WDPCP: variants seen among roughly 807,000 people sequenced by gnomAD.
WDPCP encodes the protein WD repeat containing planar cell polarity effector, also known as WD repeat-containing and planar cell polarity effector protein fritz homolog.
Under a neutral mutation model 93.1 loss-of-function variants are expected in WDPCP, and 71 were observed. The ratio of observed to expected loss-of-function variants is 0.76; its 90% CI spans 0.63 to 0.93. WDPCP has a LOEUF of 0.93. Among genes scored for constraint, WDPCP ranks in the 40% least tolerant of loss-of-function variants. WDPCP has a pLI of 0.00. For synonymous variants in WDPCP, 315 were observed against 315.0 expected, an observed-to-expected ratio of 1.00 and a Z score of 0.00; for missense variants, 844 against 887.4, an observed-to-expected ratio of 0.95 and a Z score of 0.62.
At chr2:63,210,387 T>C (rs1245320687) in intron 14 of WDPCP, among the ~76,000 whole-genome samples, 3 of 152,128 alleles carry the variant, frequency 2.0e-5, no homozygotes, top group African/African-American at 7.3e-5. Flanking sequence ...GTAATTAATT[T>C]ACACAAATTA....
intron 13 of WDPCP, among the ~76,000 whole-genome samples, chr2:63,282,394 A>G (rs1382527303): frequency 6.6e-6 from 1 of 152,202 alleles, no homozygotes; most frequent in Non-Finnish European, 1.5e-5. Flanking sequence ...AGTCCCAGCT[A>G]CTCAGGAGGC....
intron 17 of WDPCP, among the ~76,000 whole-genome samples, chr2:63,131,899 G>A (rs1188510569): frequency 2.0e-5 from 3 of 147,496 alleles, no homozygotes; most frequent in African/African-American, 5.0e-5. Flanking sequence ...ACAGTGGTGC[G>A]ATCTCAGCTC....
At chr2:63,207,340 C>G (rs1361402564) in intron 14 of WDPCP, among the ~76,000 whole-genome samples, 3 of 152,166 alleles carry the variant, frequency 2.0e-5, no homozygotes, top group Non-Finnish European at 4.4e-5. Flanking sequence ...CACTCTCTTT[C>G]TCCCTCTCCA....
intron 17 of WDPCP, 126 bp from the exon 18 acceptor site, chr2:63,122,182 G>A (rs1344875030): frequency 1.3e-6 from 1 of 759,496 alleles, no homozygotes; most frequent in Non-Finnish European, 2.2e-6. Context: ...AAAATGTACT[G>A]CACATAGATA....
intron 9 of WDPCP, among the ~76,000 whole-genome samples, chr2:63,423,447 T>C (rs10170988): frequency 0.81 from 122,662 of 152,164 alleles, 50,106 homozygotes; most frequent in East Asian, 0.98. Context: ...CCCTGGAAAA[T>C]TAGTTTTTTC....
At chr2:63,646,765 C>CT (rs1446530305) in intron 3 of WDPCP, among the ~76,000 whole-genome samples, 2 of 152,190 alleles carry the variant, frequency 1.3e-5, no homozygotes, top group African/African-American at 4.8e-5. Context: ...ACTGAAAAGT[C>CT]TGCTTCCAGA....
At chr2:63,742,838 A>C (rs181843097) in intron 2 of WDPCP, among the ~76,000 whole-genome samples, 1 of 151,506 alleles carries the variant, frequency 6.6e-6, no homozygotes, top group Non-Finnish European at 1.5e-5. Flanking sequence ...ACAGAGCCCA[A>C]TGTTATCAGT....
At chr2:63,282,677 T>C (rs1360338153) in intron 13 of WDPCP, among the ~76,000 whole-genome samples, 1 of 152,188 alleles carries the variant, frequency 6.6e-6, no homozygotes, top group East Asian at 1.9e-4. Flanking sequence ...CATTTTTACA[T>C]AATTATAAAA....
At chr2:63,624,445 T>C (rs539990943) in intron 3 of WDPCP, among the ~76,000 whole-genome samples, 5 of 151,590 alleles carry the variant, frequency 3.3e-5, no homozygotes, top group East Asian at 1.9e-4. Context: ...CAGACTAATA[T>C]AGAAGAAAAG....
intron 12 of WDPCP, 42 bp from the exon 13 acceptor site, chr2:63,313,353 A>T: frequency 6.4e-7 from 1 of 1,569,546 alleles, no homozygotes; most frequent in South Asian, 1.1e-5. Context: ...GTGAACAAGA[A>T]TATATAAAAG....
chr2:63,638,661 T>C (rs931135467), intron 3 of WDPCP, among the ~76,000 whole-genome samples: 7 of 152,006 alleles, frequency 4.6e-5, no homozygotes, highest in Admixed American at 1.3e-4. Flanking sequence ...TGGTTGTACA[T>C]GCCTGTAGTC....
intron 9 of WDPCP, among the ~76,000 whole-genome samples, chr2:63,410,378 T>C (rs989054782): frequency 6.6e-6 from 1 of 152,142 alleles, no homozygotes; most frequent in African/African-American, 2.4e-5. Flanking sequence ...GCTCTAAATC[T>C]TGAAACAAAT....
At chr2:63,423,998 T>A (rs953393701) in intron 9 of WDPCP, among the ~76,000 whole-genome samples, 1 of 151,774 alleles carries the variant, frequency 6.6e-6, no homozygotes, top group African/African-American at 2.4e-5. Flanking sequence ...AAGCTGAAGA[T>A]GGAAGAAACT....
chr2:63,657,444 GA>G (rs1328876005), intron 2 of WDPCP, among the ~76,000 whole-genome samples: 2 of 152,080 alleles, frequency 1.3e-5, no homozygotes, highest in Non-Finnish European at 2.9e-5. Flanking sequence ...CTGACCTCGT[GA>G]TCTGCCCGCC....
intron 15 of WDPCP, among the ~76,000 whole-genome samples, chr2:63,162,224 A>G (rs1434532383): frequency 6.6e-6 from 1 of 152,040 alleles, no homozygotes; most frequent in Non-Finnish European, 1.5e-5. Context: ...CAGAAAGAGG[A>G]CCATTTTTTT....
chr2:63,776,353 C>T (rs1575770330), intron 2 of WDPCP, among the ~76,000 whole-genome samples: 1 of 151,364 alleles, frequency 6.6e-6, no homozygotes, highest in East Asian at 2.0e-4. Flanking sequence ...TGCCATTTCA[C>T]CAAAGAAGTT....
chr2:63,242,914 T>G (rs1679973321), intron 14 of WDPCP, among the ~76,000 whole-genome samples: 1 of 152,130 alleles, frequency 6.6e-6, no homozygotes, highest in Non-Finnish European at 1.5e-5. Context: ...GATGAAGGCT[T>G]TACCCTAGAG....
intron 1 of WDPCP, among the ~76,000 whole-genome samples, chr2:63,537,653 T>G (rs552812763): frequency 2.0e-5 from 3 of 152,320 alleles, no homozygotes; most frequent in Admixed American, 2.0e-4. Flanking sequence ...CTTCCAACCC[T>G]TCTCCTGACT....
At chr2:63,622,903 G>C in intron 3 of WDPCP, 2 of 1,285,512 alleles carry the variant, frequency 1.6e-6, no homozygotes, top group Non-Finnish European at 2.2e-6. Flanking sequence ...CGCGGGGGCC[G>C]GGCCAGGCCG....
Sources: allele counts gnomAD v4.1 joint callset (sites outside exome capture counted in the v4.1 genomes callset), GRCh38; gene constraint gnomAD v4.1.1; transcripts MANE v1.5; gene names NCBI Gene and HGNC (gene_info 2026-07-23, HGNC 2026-07-21).